Variants in ANO6 observed in about 807,000 individuals in gnomAD.
The protein encoded by ANO6 is anoctamin 6, also known as anoctamin-6.
In ANO6, 106 loss-of-function variants were observed where a neutral mutation model predicts 117.5. The observed-to-expected ratio is 0.90, with a 90% CI of 0.77 to 1.06. The LOEUF is 1.06. ANO6 is among the 50% of genes least tolerant of loss of function. ANO6 has a pLI of 0.00. For missense variants in ANO6, 955 were observed against 1,121.1 expected (o/e 0.85, Z 2.12); for synonymous variants, 367 against 385.1 (o/e 0.95, Z 0.55).
chr12:45,320,316 G>C (rs942395251), intron 2 of ANO6, among the ~76,000 whole-genome samples: 1 of 151,824 alleles, frequency 6.6e-6, no homozygotes, highest in African/African-American at 2.4e-5. Context: ...CTGGTATGTT[G>C]TGTCTTTTTT....
At chr12:45,314,019 T>C (rs1939933117) in intron 2 of ANO6, among the ~76,000 whole-genome samples, 1 of 152,038 alleles carries the variant, frequency 6.6e-6, no homozygotes, top group Non-Finnish European at 1.5e-5. Flanking sequence ...CATCATCTTA[T>C]TGTCTGACAG....
chr12:45,267,341 T>C (rs1181449723), intron 1 of ANO6, among the ~76,000 whole-genome samples: 1 of 152,156 alleles, frequency 6.6e-6, no homozygotes, highest in East Asian at 1.9e-4. Context: ...ACCAGTCTGA[T>C]TGGATTAGGG....
chr12:45,440,102 A>C, exon 20 of ANO6: 3 of 609,854 alleles, frequency 4.9e-6, no homozygotes, highest in Non-Finnish European at 7.2e-6. Flanking sequence ...TGCAACCCAC[A>C]AGCTTTTATA....
At chr12:45,318,409 G>C (rs1940128685) in intron 2 of ANO6, among the ~76,000 whole-genome samples, 2 of 152,090 alleles carry the variant, frequency 1.3e-5, no homozygotes, top group Non-Finnish European at 2.9e-5. Context: ...GTTTTTCTCA[G>C]GTTTGTCAAA....
Position 45,431,374 on chromosome 12 carries a change from T to C in ANO6, c.*2063T>C. The C allele has an allele frequency of 2.0e-6, 2 of 985,434 alleles. No homozygotes were observed. The highest frequency in any genetic ancestry group is 2.4e-6 in the Non-Finnish European group (2 of 829,928). 61.0% of individuals were successfully genotyped at this position (985,434 alleles called of 1,614,324 possible). On this transcript the variant is annotated 3_prime_UTR_variant, in exon 20 of 20. Transcript: ENST00000320560. ...GTGTGACTATCTCCTAGTGTTTAAA[T>C]TTGGCAGTTACTCGCCATGTATGTC...
chr12:45,217,576 T>C (rs1423591040), intron 1 of ANO6, among the ~76,000 whole-genome samples: 1 of 152,226 alleles, frequency 6.6e-6, no homozygotes, highest in Non-Finnish European at 1.5e-5. Flanking sequence ...TTACTAGTTA[T>C]TCATCTTTAA....
chr12:45,256,989 A>G (rs550868569), intron 1 of ANO6, among the ~76,000 whole-genome samples: 5 of 152,214 alleles, frequency 3.3e-5, no homozygotes, highest in Admixed American at 1.3e-4. Flanking sequence ...TGCCCTCATC[A>G]TGGACTTTTA....
intron 1 of ANO6, among the ~76,000 whole-genome samples, chr12:45,221,766 G>A (rs1333244933): frequency 6.6e-6 from 1 of 152,004 alleles, no homozygotes; most frequent in Admixed American, 6.6e-5. Context: ...TTTCCGGCAA[G>A]CAGAGAGGAG....
chr12:45,293,074 T>G, intron 1 of ANO6: 2 of 1,251,200 alleles, frequency 1.6e-6, no homozygotes, highest in Non-Finnish European at 2.2e-6. Flanking sequence ...ATTAGTCTGC[T>G]TTGTGTGTGT....
At chr12:45,386,799 C>T (rs1037117258) in intron 10 of ANO6, among the ~76,000 whole-genome samples, 27 of 152,238 alleles carry the variant, frequency 1.8e-4, no homozygotes, top group Admixed American at 1.3e-4. Context: ...CGTGCCTTTG[C>T]ATGCGCAGCT....
intron 17 of ANO6, 92 bp from the exon 18 acceptor site, chr12:45,420,979 C>T (rs1053250045): frequency 3.0e-5 from 41 of 1,368,364 alleles, no homozygotes; most frequent in South Asian, 1.9e-4. Context: ...GAGCCGAGAT[C>T]GTGCCATGCA....
chr12:45,428,338 C>A (rs895760611), intron 19 of ANO6, among the ~76,000 whole-genome samples: 1 of 152,108 alleles, frequency 6.6e-6, no homozygotes, highest in African/African-American at 2.4e-5. Flanking sequence ...GGTGGCCTGG[C>A]GTGGTGGCTC....
intron 15 of ANO6, among the ~76,000 whole-genome samples, chr12:45,408,244 A>T (rs1009719327): frequency 2.6e-5 from 4 of 152,116 alleles, no homozygotes; most frequent in African/African-American, 9.7e-5. Flanking sequence ...CCACATGTTT[A>T]ATCAGCCAGT....
intron 3 of ANO6, among the ~76,000 whole-genome samples, chr12:45,332,169 T>G (rs1026131558): frequency 2.6e-5 from 4 of 152,076 alleles, no homozygotes; most frequent in Admixed American, 2.6e-4. Context: ...CTAAACTGCA[T>G]TAAACTAAAA....
Position 45,401,948 on chromosome 12 carries a change from A to G in ANO6, c.1540A>G (p.Ile514Val), listed in dbSNP as rs1347106895. 2 of 1,614,142 alleles carry G rather than the reference A, an allele frequency of 1.2e-6. No homozygotes were observed. The highest frequency in any genetic ancestry group is 8.5e-7 in the Non-Finnish European group (1 of 1,180,016). Residue 514 changes from isoleucine to valine, a missense_variant, in exon 13 of 20, where the codon ATC (isoleucine) becomes GTC (valine). Coordinates refer to ENST00000320560, the MANE Select transcript of ANO6 (RefSeq NM_001025356.3). ...GACAGCCACGTCCATCACGGCCTCC[A>G]TCATCAGCTTTATAATTATCATGAT... Reference protein sequence around the residue: ...PQTATSITASIISFIIIMILN... With the variant: ...PQTATSITASVISFIIIMILN...
In ANO6 at chr12:45,432,244, TTC is replaced by T. The variant is rs1402744195; in HGVS notation, c.*2935_*2936del. The T allele has an allele frequency of 4.1e-6, 4 of 974,728 alleles. No homozygotes were observed. The East Asian group carries it at 4.6e-4, about 113-fold the overall frequency. The allele number at this position is 974,728 out of a possible 1,614,324, so 60.4% of individuals were successfully genotyped here. Reference sequence around the variant, plus strand: ...TGTAAAGTTTGTAATTAATGTTAATTTCTGTGCATTTTAATATTCTTTTATAA... The same window carrying T: ...TGTAAAGTTTGTAATTAATGTTAATTTGTGCATTTTAATATTCTTTTATAA... On this transcript the variant is annotated 3_prime_UTR_variant, in exon 20 of 20. Transcript: ENST00000320560.
intron 1 of ANO6, among the ~76,000 whole-genome samples, chr12:45,272,288 A>T (rs1938418650): frequency 6.6e-6 from 1 of 151,966 alleles, no homozygotes; most frequent in East Asian, 1.9e-4. Flanking sequence ...TCAGAGGCTC[A>T]GCAGTGCATT....
intron 12 of ANO6, among the ~76,000 whole-genome samples, chr12:45,393,172 AC>A (rs1942503812): frequency 6.6e-6 from 1 of 152,206 alleles, no homozygotes; most frequent in African/African-American, 2.4e-5. Context: ...GGAGCTGAAA[AC>A]CATGGCACGG....
At chr12:45,366,917 A>G (rs12578593) in intron 8 of ANO6, among the ~76,000 whole-genome samples, 22,668 of 152,070 alleles carry the variant, frequency 0.15, 2,325 homozygotes, top group East Asian at 0.46. Context: ...TCCTTTTTGT[A>G]TCCCTGTGTG....
Sources: allele counts gnomAD v4.1 joint callset (sites outside exome capture counted in the v4.1 genomes callset), GRCh38; gene constraint gnomAD v4.1.1; transcripts MANE v1.5; gene names NCBI Gene and HGNC (gene_info 2026-07-23, HGNC 2026-07-21).